Variants in PCDHA6 observed in about 807,000 individuals in gnomAD.
PCDHA6 encodes the protein protocadherin alpha-6.
PCDHA6 carries 55 observed loss-of-function variants against 60.3 expected under a neutral mutation model. That is an observed-to-expected ratio of 0.91 (90% CI 0.73 to 1.14). PCDHA6 has a LOEUF of 1.14. Among genes scored for constraint, PCDHA6 ranks in the 50% most tolerant of loss-of-function variants. The pLI is 0.00. For synonymous variants in PCDHA6, 652 were observed against 557.9 expected, an observed-to-expected ratio of 1.17 and a Z score of -2.38; for missense variants, 1,327 against 1,256.5, an observed-to-expected ratio of 1.06 and a Z score of -0.85.
chr5:140,879,889 C>T (rs897508016), intron 1 of PCDHA6, among the ~76,000 whole-genome samples: 3 of 152,200 alleles, frequency 2.0e-5, no homozygotes, highest in Non-Finnish European at 4.4e-5. Context: ...GCCTCCTCCT[C>T]TCCATGTCTC....
rs2150186969 is a variant in PCDHA6, at chr5:140,830,473, T to C, written c.2382T>C (p.Asp794=). 15 of 1,553,368 alleles carry C rather than the reference T, an allele frequency of 9.7e-6. No homozygotes were observed. Among genetic ancestry groups the C allele is most frequent in the Non-Finnish European group, 1.3e-5 (15 of 1,147,080 alleles). ...GKAENQDLNE[D]HDAKPRQPNP... ...CGGAGAATCAGGATTTAAATGAAGA[T>C]CATGATGCCAAAGTAAGTGAATTTT... The change falls in exon 1 of 4, where the codon GAT becomes GAC. Residue 794 remains aspartate (D), a synonymous_variant. Transcript: ENST00000529310.
At chr5:140,929,322 C>T in intron 1 of PCDHA6, 1 of 1,540,684 alleles carries the variant, frequency 6.5e-7, no homozygotes, top group Non-Finnish European at 8.8e-7. Context: ...ATGTCAATGC[C>T]ATGGTAAGCA....
intron 3 of PCDHA6, among the ~76,000 whole-genome samples, chr5:140,997,083 A>C (rs1267571178): frequency 2.6e-5 from 4 of 152,174 alleles, no homozygotes; most frequent in Non-Finnish European, 5.9e-5. Flanking sequence ...AGTTGAGTAG[A>C]AAGTGCAGAG....
rs2150341086 is a variant in PCDHA6 at position 140,842,645 on chromosome 5, T to C, written c.2394+12160T>C. ...TTCGCTGTGGGCCACCGCCAGCTTG[T>C]CTGTGGAGGTGGCCGACGTGAACGA... On this transcript the variant is annotated intron_variant, in intron 1 of 3. Transcript: ENST00000529310. 5 of 1,595,026 alleles carry C rather than the reference T, an allele frequency of 3.1e-6. No individual in the cohort carries two copies. In the Admixed American group the frequency reaches 6.8e-5, roughly 22 times the overall value.
At chr5:140,848,733 C>T (rs2150418952) in intron 1 of PCDHA6, 1 of 1,592,812 alleles carries the variant, frequency 6.3e-7, no homozygotes, top group East Asian at 2.2e-5. Context: ...GGTAAATCTG[C>T]AGAATGGCAT....
intron 3 of PCDHA6, among the ~76,000 whole-genome samples, chr5:140,992,981 A>T (rs532135754): frequency 5.3e-5 from 8 of 152,232 alleles, no homozygotes; most frequent in Admixed American, 1.3e-4. Flanking sequence ...TGATTAGGCC[A>T]TGGGACCCAT....
intron 3 of PCDHA6, among the ~76,000 whole-genome samples, chr5:141,002,590 C>T (rs183905414): frequency 6.6e-6 from 1 of 152,294 alleles, no homozygotes; most frequent in East Asian, 1.9e-4. Flanking sequence ...AGTCCTTAGT[C>T]CCCTCATCTA....
intron 1 of PCDHA6, chr5:140,875,402 C>A: frequency 6.7e-7 from 1 of 1,488,874 alleles, no homozygotes; most frequent in Admixed American, 2.6e-5. Flanking sequence ...AGGGTGACTG[C>A]TCATAAAATA....
At chr5:140,982,436 T>G (rs782353079) in intron 2 of PCDHA6, 39 bp from the exon 3 acceptor site, 18 of 1,613,262 alleles carry the variant, frequency 1.1e-5, no homozygotes, top group Non-Finnish European at 1.5e-5. Context: ...GGAAAGAATT[T>G]ATGATCTAAC....
intron 1 of PCDHA6, among the ~76,000 whole-genome samples, chr5:140,964,876 G>A (rs2095860081): frequency 6.6e-6 from 1 of 152,188 alleles, no homozygotes; most frequent in Non-Finnish European, 1.5e-5. Flanking sequence ...CAAATAAGAA[G>A]CAGCAGTGAT....
At chr5:140,940,564 T>G (rs1481591678) in intron 1 of PCDHA6, among the ~76,000 whole-genome samples, 2 of 152,228 alleles carry the variant, frequency 1.3e-5, no homozygotes, top group African/African-American at 4.8e-5. Flanking sequence ...TTCTCCTACC[T>G]TGGCTCCCAA....
intron 1 of PCDHA6, among the ~76,000 whole-genome samples, chr5:140,974,864 C>A (rs949061887): frequency 3.9e-5 from 6 of 152,124 alleles, no homozygotes; most frequent in Non-Finnish European, 8.8e-5. Flanking sequence ...TGCCTTAATG[C>A]GGAACAGTCT....
intron 1 of PCDHA6, among the ~76,000 whole-genome samples, chr5:140,922,233 A>T (rs1226444776): frequency 6.6e-6 from 1 of 152,220 alleles, no homozygotes; most frequent in Non-Finnish European, 1.5e-5. Flanking sequence ...CTCAACCATG[A>T]TGTGTATGAA....
At chr5:140,885,981 G>A (rs536900560) in intron 1 of PCDHA6, among the ~76,000 whole-genome samples, 44 of 151,942 alleles carry the variant, frequency 2.9e-4, no homozygotes, top group African/African-American at 8.4e-4. Context: ...TTATAGATTC[G>A]CATGTGGTTG....
intron 1 of PCDHA6, among the ~76,000 whole-genome samples, chr5:140,831,979 C>T (rs2150198667): frequency 6.6e-6 from 1 of 152,178 alleles, no homozygotes; most frequent in East Asian, 1.9e-4. Context: ...CTAGGAAACT[C>T]TCATTACGGA....
chr5:140,898,330 G>A (rs536378486), intron 1 of PCDHA6, among the ~76,000 whole-genome samples: 29 of 152,102 alleles, frequency 1.9e-4, no homozygotes, highest in African/African-American at 6.0e-4. Flanking sequence ...TGGGTCTAAC[G>A]TTTAAGTCTT....
At position 141,011,612 on chromosome 5, in the gene PCDHA6, G is replaced by A. The variant is rs1031311936; in HGVS notation, c.*1675G>A. 11 of 153,524 alleles carry A rather than the reference G, an allele frequency of 7.2e-5. No individual in the cohort carries two copies. The highest frequency in any genetic ancestry group is 1.6e-4 in the Non-Finnish European group (11 of 67,990). 9.5% of individuals were successfully genotyped at this position (153,524 alleles called of 1,614,324 possible). A position where few individuals can be genotyped will look rare whatever the true frequency, so the allele number is the denominator to read the frequency against. On this transcript the variant is annotated 3_prime_UTR_variant, in exon 4 of 4. Coordinates refer to ENST00000529310, the MANE Select transcript of PCDHA6 (RefSeq NM_018909.4). ...TGGTGATTCAAGGAATTTTATTTAT[G>A]GTCCAGCCAAGAGCCATCTCGTGCC...
intron 3 of PCDHA6, among the ~76,000 whole-genome samples, chr5:140,986,896 A>G (rs1221599593): frequency 2.6e-5 from 4 of 152,184 alleles, no homozygotes; most frequent in African/African-American, 4.8e-5. Context: ...CTTAGGCCCT[A>G]TCCTAGACTA....
intron 1 of PCDHA6, among the ~76,000 whole-genome samples, chr5:140,833,768 C>CT (rs1772646157): frequency 7.0e-6 from 1 of 142,080 alleles, no homozygotes; most frequent in Non-Finnish European, 1.6e-5. Flanking sequence ...ACACACACAC[C>CT]GCTTTCTAAG....
Sources: gnomAD v4.1 joint callset for allele counts (sites outside exome capture counted in the v4.1 genomes callset) on GRCh38, gnomAD v4.1.1 for gene constraint, MANE v1.5 for transcripts, NCBI Gene and HGNC (gene_info 2026-07-23, HGNC 2026-07-21) for gene names.